Variants in DNAH7 observed in about 807,000 individuals in gnomAD.
The protein encoded by DNAH7 is dynein axonemal heavy chain 7.
Under a neutral mutation model 444.6 loss-of-function variants are expected in DNAH7, and 397 were observed. The observed-to-expected ratio is 0.89, with a 90% CI of 0.82 to 0.97. DNAH7 has a LOEUF of 0.97. Among genes scored for constraint, DNAH7 ranks in the 50% least tolerant of loss-of-function variants. DNAH7 has a pLI of 0.00. For missense variants in DNAH7, 4,902 were observed against 4,800.8 expected, an observed-to-expected ratio of 1.02 and a Z score of -0.62; for synonymous variants, 1,636 against 1,624.4, an observed-to-expected ratio of 1.01 and a Z score of -0.17.
At chr2:195,984,605 C>G in intron 15 of DNAH7, 27 bp downstream of exon 15, 1 of 1,594,218 alleles carries the variant, frequency 6.3e-7, no homozygotes, top group Middle Eastern at 1.7e-4. Context: ...GATACACACA[C>G]AATTATGGAG....
chr2:195,961,473 A>G lies in DNAH7; in HGVS notation c.2206-528T>C, dbSNP rs150438849. Among the ~76,000 whole-genome samples the G allele has an allele frequency of 1.0e-4, 15 of 147,098 alleles. No homozygotes were observed. The East Asian group carries it at 4.5e-3, about 44-fold the overall frequency. ...ATTTGATTTTTTATTAGATTCCACT[A>G]TAACTGAGATCATGTGGTATTTGTC... On this transcript the variant is annotated intron_variant, in intron 17 of 64. Coordinates refer to ENST00000312428, the MANE Select transcript of DNAH7 (RefSeq NM_018897.3).
At chr2:196,068,415 A>C (rs1483370000) in intron 1 of DNAH7, 10 of 476,270 alleles carry the variant, frequency 2.1e-5, no homozygotes, top group Non-Finnish European at 3.7e-5. Context: ...CACCGCCATT[A>C]GCACTCTGGG....
chr2:195,794,594 A>G, intron 56 of DNAH7, 56 bp from the exon 57 acceptor site: 1 of 1,527,668 alleles, frequency 6.5e-7, no homozygotes, highest in Admixed American at 1.7e-5. Context: ...GAAAATCTCA[A>G]AAGCATACAT....
At chr2:195,929,644 C>T (rs749435042) in intron 21 of DNAH7, among the ~76,000 whole-genome samples, 6 of 152,118 alleles carry the variant, frequency 3.9e-5, no homozygotes, top group East Asian at 3.8e-4. Context: ...ATTCAATAAA[C>T]GGTGCTTAAA....
chr2:195,848,276 A>C (rs911466354), intron 46 of DNAH7, among the ~76,000 whole-genome samples: 1 of 152,206 alleles, frequency 6.6e-6, no homozygotes, highest in African/African-American at 2.4e-5. Flanking sequence ...AAGCCTGTTA[A>C]CATTATGCAG....
chr2:195,868,852 C>A (rs916710353), intron 40 of DNAH7, among the ~76,000 whole-genome samples: 1 of 148,250 alleles, frequency 6.7e-6, no homozygotes. Flanking sequence ...CCTTAGAAAC[C>A]ATTTAGTGAA....
Position 195,923,850 on chromosome 2 carries a change from A to G in DNAH7, c.3613-43T>C, listed in dbSNP as rs755912610. 5.1e-6 allele frequency: 8 copies of G among 1,568,950 alleles called. No homozygotes were observed. In the Admixed American group the frequency reaches 1.2e-4, roughly 23 times the overall value. On this transcript the variant is annotated intron_variant, in intron 22 of 64. Transcript: ENST00000312428. ...AAGATATGATTTCCCAATGTGATCA[A>G]AATTATTTTGAACAAAACATTCTGA...
intron 52 of DNAH7, 126 bp downstream of exon 52, chr2:195,809,619 A>G: frequency 1.1e-6 from 1 of 904,334 alleles, no homozygotes; most frequent in Non-Finnish European, 1.5e-6. Flanking sequence ...TGCCTTAACT[A>G]TAATAACAAA....
intron 18 of DNAH7, among the ~76,000 whole-genome samples, chr2:195,958,943 C>G (rs1690887468): frequency 6.6e-6 from 1 of 152,096 alleles, no homozygotes; most frequent in African/African-American, 2.4e-5. Flanking sequence ...ATAACATAGT[C>G]ATAAGGAAGA....
At chr2:195,948,864 A>G (rs1690013275) in intron 19 of DNAH7, among the ~76,000 whole-genome samples, 1 of 152,128 alleles carries the variant, frequency 6.6e-6, no homozygotes, top group East Asian at 1.9e-4. Context: ...ATAGCACTGA[A>G]TCTATTAATT....
chr2:195,844,534 G>A (rs1698872235), intron 47 of DNAH7, among the ~76,000 whole-genome samples: 1 of 152,032 alleles, frequency 6.6e-6, no homozygotes, highest in Non-Finnish European at 1.5e-5. Context: ...GGAAACTACA[G>A]GTATAATGGC....
intron 23 of DNAH7, among the ~76,000 whole-genome samples, chr2:195,923,390 T>G (rs143486052): frequency 2.0e-5 from 3 of 152,200 alleles, no homozygotes; most frequent in African/African-American, 7.2e-5. Context: ...CTTTTGAATA[T>G]AGATAAGGAT....
chr2:195,932,601 C>T (rs924453522), intron 21 of DNAH7, among the ~76,000 whole-genome samples: 11 of 152,002 alleles, frequency 7.2e-5, no homozygotes, highest in African/African-American at 1.2e-4. Flanking sequence ...CCATCAATAC[C>T]TAATTTATTG....
At chr2:195,997,309 C>T (rs1275198085) in intron 12 of DNAH7, among the ~76,000 whole-genome samples, 1 of 152,064 alleles carries the variant, frequency 6.6e-6, no homozygotes, top group African/African-American at 2.4e-5. Flanking sequence ...TCAAGAGATC[C>T]GGACCCATCC....
chr2:195,912,211 C>T (rs1316930715), intron 24 of DNAH7, among the ~76,000 whole-genome samples: 1 of 152,150 alleles, frequency 6.6e-6, no homozygotes, highest in Non-Finnish European at 1.5e-5. Context: ...AAGAGCAGCA[C>T]TTTTCCCTCT....
At chr2:195,997,753 T>G (rs1482178933) in intron 12 of DNAH7, among the ~76,000 whole-genome samples, 2 of 152,186 alleles carry the variant, frequency 1.3e-5, no homozygotes, top group Non-Finnish European at 2.9e-5. Context: ...TAAATTCCAT[T>G]TCTGCAATTG....
intron 34 of DNAH7, among the ~76,000 whole-genome samples, chr2:195,885,097 C>A (rs940865439): frequency 2.6e-5 from 4 of 152,094 alleles, no homozygotes; most frequent in Admixed American, 6.5e-5. Context: ...CACATGACAG[C>A]AGCTTGATAT....
chr2:195,740,434 GTTAT>G (rs927530537), intron 64 of DNAH7, among the ~76,000 whole-genome samples: 1 of 151,904 alleles, frequency 6.6e-6, no homozygotes, highest in African/African-American at 2.4e-5. Flanking sequence ...CAAAATAAAG[GTTAT>G]TTACTGATCA....
intron 24 of DNAH7, among the ~76,000 whole-genome samples, chr2:195,910,552 C>T (rs1687297051): frequency 6.6e-6 from 1 of 151,964 alleles, no homozygotes; most frequent in Non-Finnish European, 1.5e-5. Context: ...AATACATGGC[C>T]ATTTTTGAAA....
Sources: gnomAD v4.1 joint callset for allele counts (sites outside exome capture counted in the v4.1 genomes callset) on GRCh38, gnomAD v4.1.1 for gene constraint, MANE v1.5 for transcripts, NCBI Gene and HGNC (gene_info 2026-07-23, HGNC 2026-07-21) for gene names.